Variants in GIGYF2 observed in about 807,000 individuals in gnomAD.
The protein encoded by GIGYF2 is GRB10 interacting GYF protein 2.
In GIGYF2, 25 loss-of-function variants were observed where a neutral mutation model predicts 208.1. That is an observed-to-expected ratio of 0.12 (90% confidence interval 0.09 to 0.17). The LOEUF (loss-of-function observed/expected upper bound fraction) is 0.17, where lower values mean the gene tolerates loss of function less well. Among genes scored for constraint, GIGYF2 ranks in the 10% least tolerant of loss-of-function variants. The pLI, the probability that GIGYF2 is intolerant of heterozygous loss-of-function variation, is 1.00. For synonymous variants in GIGYF2, 534 were observed against 543.8 expected (o/e 0.98, Z 0.25); for missense variants, 1,302 against 1,579.4 (o/e 0.82, Z 2.98).
chr2:232,803,256 A>AT (rs1200042236), intron 14 of GIGYF2, among the ~76,000 whole-genome samples: 3 of 152,170 alleles, frequency 2.0e-5, no homozygotes, highest in African/African-American at 7.2e-5. Flanking sequence ...GTTTGTACAT[A>AT]TTTTTTGTCA....
intron 2 of GIGYF2, among the ~76,000 whole-genome samples, chr2:232,730,856 C>T (rs1401085923): frequency 7.2e-6 from 1 of 138,946 alleles, no homozygotes; most frequent in African/African-American, 2.7e-5. Flanking sequence ...CGAGATCCCG[C>T]CACTGCACTC....
intron 22 of GIGYF2, among the ~76,000 whole-genome samples, chr2:232,833,877 A>C (rs977408871): frequency 4.6e-5 from 7 of 152,136 alleles, no homozygotes; most frequent in African/African-American, 1.7e-4. Flanking sequence ...AGAGGATTCA[A>C]AACTTTTTTT....
At chr2:232,818,567 T>G (rs893602171) in intron 20 of GIGYF2, among the ~76,000 whole-genome samples, 1 of 152,198 alleles carries the variant, frequency 6.6e-6, no homozygotes, top group South Asian at 2.1e-4. Context: ...GGCATCTATG[T>G]CAAAAATCAA....
rs868102720 is a variant in GIGYF2 at position 232,836,297 on chromosome 2, T to C, written c.2766+3204T>C. 9.9e-3 allele frequency among the ~76,000 whole-genome samples: 214 copies of C among 21,572 alleles called. 17 individuals are homozygous for C. Among genetic ancestry groups the C allele is most frequent in the African/African-American group, 0.019 (116 of 6,218 alleles). 14.2% of individuals were successfully genotyped at this position (21,572 alleles called of 152,430 possible). On this transcript the variant is annotated intron_variant, in intron 22 of 28. Transcript: ENST00000373563. ...ATATATATATATATATATATATATA[T>C]ATATATATATATATATATATATATA... is the stretch of plus-strand genomic sequence containing the variant.
chr2:232,703,224 T>C (rs57986228), intron 1 of GIGYF2, among the ~76,000 whole-genome samples, 200 bp from the exon 2 acceptor site: 15,436 of 152,186 alleles, frequency 0.1, 1,117 homozygotes, highest in African/African-American at 0.19. Flanking sequence ...TTAAAAAATA[T>C]AGTTTTCAGT....
intron 2 of GIGYF2, chr2:232,705,344 T>G (rs1335214864): frequency 6.6e-6 from 1 of 152,230 alleles, no homozygotes; most frequent in Non-Finnish European, 1.5e-5. Flanking sequence ...TATTCCAGAA[T>G]TATTAGATAA....
chr2:232,817,499 A>G (rs1045661605), intron 20 of GIGYF2, among the ~76,000 whole-genome samples: 1 of 152,166 alleles, frequency 6.6e-6, no homozygotes, highest in Non-Finnish European at 1.5e-5. Flanking sequence ...AACTTCTCCA[A>G]CTTTGCAAAC....
intron 5 of GIGYF2, among the ~76,000 whole-genome samples, chr2:232,753,013 A>T (rs1038610388): frequency 6.6e-6 from 1 of 152,116 alleles, no homozygotes; most frequent in South Asian, 2.1e-4. Flanking sequence ...GGTGTCTACA[A>T]CTATCTGTAT....
At chr2:232,829,606 C>T (rs976622354) in intron 21 of GIGYF2, among the ~76,000 whole-genome samples, 3 of 152,126 alleles carry the variant, frequency 2.0e-5, no homozygotes, top group African/African-American at 4.8e-5. Flanking sequence ...AGCTTGATCC[C>T]GAGGTCTACT....
In GIGYF2 at chr2:232,837,621, CT is replaced by C. The variant is rs564958985; in HGVS notation, c.2767-2217del. Among the ~76,000 whole-genome samples the C allele has an allele frequency of 3.1e-3, 457 of 146,916 alleles. 1 individual carries two copies. The highest frequency in any genetic ancestry group is 9.8e-3 in the African/African-American group (393 of 40,288). On this transcript the variant is annotated intron_variant, in intron 22 of 28. Transcript: ENST00000373563. ...AGGTGTGCGTCACCACACCCAGCTA[CT>C]TTTTTTTTTTATTTTTAGTAGAAAT...
At chr2:232,732,171 T>C (rs189298764) in intron 2 of GIGYF2, among the ~76,000 whole-genome samples, 39 of 152,322 alleles carry the variant, frequency 2.6e-4, no homozygotes, top group Non-Finnish European at 5.9e-5. Context: ...ATTTAGTCGT[T>C]TGATGCTTGT....
At chr2:232,735,792 C>G in intron 3 of GIGYF2, 1 of 985,444 alleles carries the variant, frequency 1.0e-6, no homozygotes, top group Non-Finnish European at 1.2e-6. Flanking sequence ...ATGGAATTCT[C>G]ATGGAATTTT....
intron 4 of GIGYF2, among the ~76,000 whole-genome samples, chr2:232,748,286 A>G (rs13011298): frequency 0.32 from 48,898 of 151,968 alleles, 8,226 homozygotes; most frequent in South Asian, 0.62. Flanking sequence ...TTTTTTCCCA[A>G]TATACTTTTT....
At chr2:232,828,955 T>C (rs964259428) in intron 21 of GIGYF2, among the ~76,000 whole-genome samples, 1 of 152,210 alleles carries the variant, frequency 6.6e-6, no homozygotes, top group Non-Finnish European at 1.5e-5. Flanking sequence ...GTGTAGTGTT[T>C]CATGAATGAC....
At position 232,739,357 on chromosome 2, in the gene GIGYF2, G is replaced by A. The variant is rs1261981378; in HGVS notation, c.41+4119G>A. ...TGGACAACAAGCCTGGGCAACAAAA[G>A]CAAACCCCCCCCCCCCCGCAAAAAA... On this transcript the variant is annotated intron_variant, in intron 3 of 28. Transcript: ENST00000373563. Among the ~76,000 whole-genome samples the A allele has an allele frequency of 9.4e-5, 7 of 74,778 alleles. No homozygotes were observed. In the East Asian group the frequency reaches 2.7e-3, roughly 29 times the overall value. The allele number at this position is 74,778 out of a possible 152,430, so 49.1% of individuals were successfully genotyped here.
chr2:232,847,709 C>T (rs1702068943), intron 27 of GIGYF2, 138 bp downstream of exon 27: 2 of 1,205,256 alleles, frequency 1.7e-6, no homozygotes, highest in East Asian at 2.3e-5. Flanking sequence ...GTGTATACTT[C>T]ATATTTTCAA....
At chr2:232,820,637 G>A (rs915050827) in intron 21 of GIGYF2, among the ~76,000 whole-genome samples, 4 of 151,900 alleles carry the variant, frequency 2.6e-5, no homozygotes, top group South Asian at 2.1e-4. Context: ...AATTTCTAAC[G>A]TAATGATTTT....
chr2:232,789,820 G>T (rs998066153), intron 9 of GIGYF2, among the ~76,000 whole-genome samples: 1 of 151,954 alleles, frequency 6.6e-6, no homozygotes, highest in African/African-American at 2.4e-5. Context: ...TCAGATTTTA[G>T]CAAGAGTTTC....
At chr2:232,765,904 C>CT (rs1293766598) in intron 8 of GIGYF2, 1 of 469,398 alleles carries the variant, frequency 2.1e-6, no homozygotes, top group Non-Finnish European at 4.4e-6. Context: ...TCCAAAGGAA[C>CT]GTTTAAAGTT....
Sources: gnomAD v4.1 joint callset for allele counts (sites outside exome capture counted in the v4.1 genomes callset) on GRCh38, gnomAD v4.1.1 for gene constraint, MANE v1.5 for transcripts, NCBI Gene and HGNC (gene_info 2026-07-23, HGNC 2026-07-21) for gene names.